MGAT4A: variants seen among roughly 807,000 people sequenced by gnomAD.
The protein encoded by MGAT4A is N-acetylglucosaminyltransferase IVa.
A neutral mutation model predicts 74.1 loss-of-function variants in MGAT4A; 33 were observed. The ratio of observed to expected loss-of-function variants is 0.45; its 90% CI spans 0.34 to 0.60. The LOEUF is 0.60. MGAT4A is among the 20% of genes least tolerant of loss of function. The pLI, the probability that MGAT4A is intolerant of heterozygous loss-of-function variation, is 0.02. For missense variants in MGAT4A, 479 were observed against 628.3 expected, an observed-to-expected ratio of 0.76 and a Z score of 2.54; for synonymous variants, 198 against 210.4, an observed-to-expected ratio of 0.94 and a Z score of 0.51.
intron 3 of MGAT4A, among the ~76,000 whole-genome samples, chr2:98,677,221 T>G (rs1701986632): frequency 6.6e-6 from 1 of 152,166 alleles, no homozygotes; most frequent in Non-Finnish European, 1.5e-5. Context: ...ACTCCTAAAG[T>G]ATCCACTAGG....
At chr2:98,703,752 TTCCTTTTACACTC>T (rs1352360016) in intron 2 of MGAT4A, among the ~76,000 whole-genome samples, 1 of 152,138 alleles carries the variant, frequency 6.6e-6, no homozygotes, top group Non-Finnish European at 1.5e-5. Context: ...CCACACTAGC[TTCCTTTTACACTC>T]TCCTAATGTG....
At chr2:98,659,504 G>A (rs994742103) in intron 5 of MGAT4A, among the ~76,000 whole-genome samples, 39 of 152,192 alleles carry the variant, frequency 2.6e-4, no homozygotes, top group African/African-American at 8.4e-4. Flanking sequence ...ATGGTTTGGC[G>A]TGTCCCCACC....
chr2:98,621,210 T>A lies in MGAT4A; in HGVS notation c.*4356A>T. 1.8e-6 allele frequency: 1 copy of A among 544,324 alleles called. No homozygotes were observed. Among genetic ancestry groups the A allele is most frequent in the Non-Finnish European group, 3.0e-6 (1 of 334,486 alleles). The allele number at this position is 544,324 out of a possible 1,614,324, so 33.7% of individuals were successfully genotyped here. A position where few individuals can be genotyped will look rare whatever the true frequency, so the allele number is the denominator to read the frequency against. On this transcript the variant is annotated 3_prime_UTR_variant, in exon 16 of 16. Transcript: ENST00000393487. ...AGTCCAAGCAGGCTTAAGTGAGTTCTCGGCTTAGGGTCTCACAAGGCTGGA... is the reference window on the plus strand; with the variant it reads ...AGTCCAAGCAGGCTTAAGTGAGTTCACGGCTTAGGGTCTCACAAGGCTGGA...
At chr2:98,670,138 GAAGA>G in intron 4 of MGAT4A, among the ~76,000 whole-genome samples, 1 of 152,146 alleles carries the variant, frequency 6.6e-6, no homozygotes, top group Non-Finnish European at 1.5e-5. Context: ...TTAGAGTTAA[GAAGA>G]AATATGTCAG....
chr2:98,730,542 C>CCG (rs1702835876), intron 1 of MGAT4A, among the ~76,000 whole-genome samples: 1 of 152,194 alleles, frequency 6.6e-6, no homozygotes, highest in South Asian at 2.1e-4. Context: ...CCGTCCGGCC[C>CCG]CGCCCACCTG....
At position 98,624,147 on chromosome 2, in the gene MGAT4A, G is replaced by T; in HGVS notation, c.*1419C>A. The T allele has an allele frequency of 1.7e-6, 1 of 590,730 alleles. No individual in the cohort carries two copies. The highest frequency in any genetic ancestry group is 2.1e-6 in the Non-Finnish European group (1 of 469,516). The allele number at this position is 590,730 out of a possible 1,614,324, so 36.6% of individuals were successfully genotyped here. On this transcript the variant is annotated 3_prime_UTR_variant, in exon 16 of 16. Transcript: ENST00000393487. The stretch of plus-strand genomic sequence containing the variant: ...CCTGCCTCAGCCTCCCAAGTAGCTG[G>T]GATTACAGGCACCTGCCACCACGCC...
intron 4 of MGAT4A, among the ~76,000 whole-genome samples, chr2:98,669,197 C>T (rs1220466097): frequency 6.6e-6 from 1 of 152,152 alleles, no homozygotes; most frequent in Non-Finnish European, 1.5e-5. Context: ...TCCCCACCCA[C>T]ATCTCATCTT....
In MGAT4A at chr2:98,645,611, T is replaced by C. The variant is rs769398548; in HGVS notation, c.775-69A>G. 6.3e-6 allele frequency: 7 copies of C among 1,117,536 alleles called. No individual in the cohort carries two copies. In the Middle Eastern group the frequency reaches 1.3e-3, roughly 200 times the overall value. The allele number at this position is 1,117,536 out of a possible 1,614,324, so 69.2% of individuals were successfully genotyped here. A position where few individuals can be genotyped will look rare whatever the true frequency, so the allele number is the denominator to read the frequency against. On this transcript the variant is annotated intron_variant, in intron 8 of 15. Coordinates refer to ENST00000393487, the MANE Select transcript of MGAT4A (RefSeq NM_012214.3). ...AGGTATTGAGAGAAGGATATTATTA[T>C]GGAAAAATACAAGCATACCTTTATC... is the stretch of plus-strand genomic sequence containing the variant.
intron 14 of MGAT4A, among the ~76,000 whole-genome samples, chr2:98,630,096 T>C (rs17513621): frequency 0.15 from 23,299 of 152,212 alleles, 1,895 homozygotes; most frequent in Middle Eastern, 0.22. Flanking sequence ...GATAATGCAG[T>C]TGAAGATTTG....
At chr2:98,688,267 C>T (rs1018370807) in intron 2 of MGAT4A, among the ~76,000 whole-genome samples, 21 of 152,106 alleles carry the variant, frequency 1.4e-4, no homozygotes, top group African/African-American at 5.1e-4. Context: ...AAGAATATAA[C>T]TCATTCTGTC....
chr2:98,636,651 T>G, intron 12 of MGAT4A, 56 bp from the exon 13 acceptor site: 1 of 1,488,226 alleles, frequency 6.7e-7, no homozygotes. Context: ...TTACAAAGAT[T>G]CAAGAAAATG....
At chr2:98,658,803 G>A (rs1701700413) in intron 5 of MGAT4A, among the ~76,000 whole-genome samples, 1 of 152,118 alleles carries the variant, frequency 6.6e-6, no homozygotes, top group South Asian at 2.1e-4. Flanking sequence ...ACTGAGAACT[G>A]AATCAAGAGC....
At chr2:98,670,940 G>GGAGTGATT (rs1701903038) in intron 4 of MGAT4A, among the ~76,000 whole-genome samples, 1 of 152,130 alleles carries the variant, frequency 6.6e-6, no homozygotes, top group South Asian at 2.1e-4. Flanking sequence ...CATCTCCACT[G>GGAGTGATT]TGATATCTCA....
chr2:98,654,884 T>A (rs1048722404), intron 8 of MGAT4A, among the ~76,000 whole-genome samples: 3 of 152,180 alleles, frequency 2.0e-5, no homozygotes, highest in Admixed American at 6.5e-5. Flanking sequence ...GCCTCATACT[T>A]CCTAATTTTA....
chr2:98,694,542 G>A (rs1037253060), intron 2 of MGAT4A: 1 of 153,376 alleles, frequency 6.5e-6, no homozygotes, highest in African/African-American at 2.4e-5. Flanking sequence ...ACAGAAGGTA[G>A]GTCAGGTACA....
intron 6 of MGAT4A, 30 bp downstream of exon 6, chr2:98,658,188 T>C: frequency 6.9e-7 from 1 of 1,440,124 alleles, no homozygotes; most frequent in South Asian, 1.2e-5. Context: ...AACCAAAATA[T>C]TTGTATGTTT....
chr2:98,674,166 C>G (rs1209837366), intron 4 of MGAT4A, among the ~76,000 whole-genome samples: 2 of 152,146 alleles, frequency 1.3e-5, no homozygotes, highest in African/African-American at 4.8e-5. Flanking sequence ...CCAAATAAGA[C>G]AGCAAAATAC....
At chr2:98,728,950 T>G (rs1296267076) in intron 1 of MGAT4A, among the ~76,000 whole-genome samples, 1 of 152,136 alleles carries the variant, frequency 6.6e-6, no homozygotes, top group Non-Finnish European at 1.5e-5. Flanking sequence ...GAAAGAATTT[T>G]GTTCTAGTAA....
chr2:98,700,692 A>C (rs1702342933), intron 2 of MGAT4A, among the ~76,000 whole-genome samples: 1 of 152,236 alleles, frequency 6.6e-6, no homozygotes, highest in African/African-American at 2.4e-5. Flanking sequence ...GCAGTTTGAG[A>C]CCAGCCTGGC....
Sources: allele counts gnomAD v4.1 joint callset (sites outside exome capture counted in the v4.1 genomes callset), GRCh38; gene constraint gnomAD v4.1.1; transcripts MANE v1.5; gene names NCBI Gene and HGNC (gene_info 2026-07-23, HGNC 2026-07-21).